The following AFF3 variants were observed in gnomAD, a reference collection of about 807,000 sequenced individuals.
The protein encoded by AFF3 is AF4/FMR2 family member 3.
AFF3 carries 32 observed loss-of-function variants against 129.7 expected under a neutral mutation model. The ratio of observed to expected loss-of-function variants is 0.25; its 90% CI spans 0.19 to 0.33. The LOEUF (loss-of-function observed/expected upper bound fraction) is 0.33. Among genes scored for constraint, AFF3 ranks in the 10% least tolerant of loss-of-function variants. The pLI, the probability that AFF3 is intolerant of heterozygous loss-of-function variation, is 1.00. For missense variants in AFF3, 1,373 were observed against 1,592.0 expected, an observed-to-expected ratio of 0.86 and a Z score of 2.34; for synonymous variants, 644 against 635.4, an observed-to-expected ratio of 1.01 and a Z score of -0.20.
At chr2:99,931,420 A>C (rs1177026521) in intron 7 of AFF3, among the ~76,000 whole-genome samples, 2 of 152,236 alleles carry the variant, frequency 1.3e-5, no homozygotes, top group Non-Finnish European at 2.9e-5. Context: ...AGGGAGAAAA[A>C]AGGTATTATT....
At chr2:99,771,971 T>C (rs906458536) in intron 8 of AFF3, among the ~76,000 whole-genome samples, 1 of 152,202 alleles carries the variant, frequency 6.6e-6, no homozygotes, top group Non-Finnish European at 1.5e-5. Flanking sequence ...AAATATGTCA[T>C]TTAATGAAGA....
At chr2:99,887,802 T>C (rs1031567290) in intron 7 of AFF3, among the ~76,000 whole-genome samples, 2 of 152,356 alleles carry the variant, frequency 1.3e-5, no homozygotes, top group East Asian at 3.9e-4. Flanking sequence ...ATGGCATCCC[T>C]ATGGGACAGG....
chr2:99,922,862 G>A (rs1199483864), intron 7 of AFF3, among the ~76,000 whole-genome samples: 1 of 152,076 alleles, frequency 6.6e-6, no homozygotes, highest in Non-Finnish European at 1.5e-5. Context: ...CCACTCCTCT[G>A]CCAACAGTAG....
At chr2:99,806,523 T>G (rs1159476645) in intron 8 of AFF3, among the ~76,000 whole-genome samples, 2 of 152,184 alleles carry the variant, frequency 1.3e-5, no homozygotes, top group African/African-American at 2.4e-5. Context: ...TCGCTCCCTA[T>G]GGCTCCCTAT....
At chr2:99,672,180 A>T (rs773606485) in intron 12 of AFF3, among the ~76,000 whole-genome samples, 149 of 10,084 alleles carry the variant, frequency 0.015, no homozygotes, top group African/African-American at 0.012. Context: ...TTAGCTTCTC[A>T]CACACACACA....
Position 100,087,018 on chromosome 2 carries a change from T to C in AFF3, c.53+17384A>G, listed in dbSNP as rs553331730. On this transcript the variant is annotated intron_variant, in intron 4 of 24. Coordinates refer to ENST00000672756, the MANE Select transcript of AFF3 (RefSeq NM_001386135.1). ...ACCCTAGGGCCTTACACTTCATCAG[T>C]GACCCCCTGAATGAGGGATTCTATA... 1.7e-4 allele frequency among the ~76,000 whole-genome samples: 26 copies of C among 152,316 alleles called. No individual in the cohort carries two copies. The South Asian group carries it at 5.2e-3, about 30-fold the overall frequency.
intron 4 of AFF3, among the ~76,000 whole-genome samples, chr2:100,095,547 C>T (rs924143099): frequency 6.6e-6 from 1 of 152,202 alleles, no homozygotes; most frequent in Non-Finnish European, 1.5e-5. Context: ...ATTTGCCCTA[C>T]TATTCGTGAA....
intron 7 of AFF3, among the ~76,000 whole-genome samples, chr2:99,933,261 C>A (rs1576376015): frequency 2.0e-5 from 3 of 152,096 alleles, no homozygotes; most frequent in African/African-American, 7.2e-5. Context: ...GGAAAAGTTC[C>A]TTTGAGAACT....
At position 100,026,442 on chromosome 2, in the gene AFF3, T is replaced by C. The variant is rs1573169879; in HGVS notation, c.54-17510A>G. On this transcript the variant is annotated intron_variant, in intron 4 of 24. Transcript: ENST00000672756. Reference sequence around the variant, plus strand: ...TGGTGATCAGGGAACACTTCCACACTGCTGGTAGGAATGTAAACTGGTACA... The same window carrying C: ...TGGTGATCAGGGAACACTTCCACACCGCTGGTAGGAATGTAAACTGGTACA... 2.6e-5 allele frequency among the ~76,000 whole-genome samples: 4 copies of C among 152,258 alleles called. No individual in the cohort carries two copies. In the East Asian group the frequency reaches 7.7e-4, roughly 29 times the overall value.
intron 8 of AFF3, among the ~76,000 whole-genome samples, chr2:99,799,758 G>A (rs1300314612): frequency 6.6e-6 from 1 of 152,050 alleles, no homozygotes; most frequent in Non-Finnish European, 1.5e-5. Flanking sequence ...CCAGTGTAAG[G>A]ACTGACAAGA....
chr2:99,719,773 G>A (rs1678719034), intron 11 of AFF3, among the ~76,000 whole-genome samples: 2 of 152,098 alleles, frequency 1.3e-5, no homozygotes, highest in Non-Finnish European at 2.9e-5. Flanking sequence ...CGTATTGGCC[G>A]GGCACGGTGG....
chr2:99,636,835 T>C (rs1168931882), intron 13 of AFF3, among the ~76,000 whole-genome samples: 1 of 152,032 alleles, frequency 6.6e-6, no homozygotes. Context: ...CGGGGGAGCT[T>C]ATCAGGCTCC....
Position 99,601,451 on chromosome 2 carries a change from T to C in AFF3, c.1355A>G (p.His452Arg), listed in dbSNP as rs993511035. ...AGCGCTTACCTCGGGGCTGGAGAAG[T>C]GGGGGGGCTTGCTGCCCTCACTCTC... ...SSESEGSKPP[H>R]FSSPEAEPAS... The change falls in exon 14 of 25, where the codon CAC becomes CGC. Residue 452 changes from histidine (H) to arginine (R), a missense_variant. Physicochemically the swap from His to Arg is conservative, Grantham distance 29 (BLOSUM62 0). Transcript: ENST00000672756. 6.2e-7 allele frequency: 1 copy of C among 1,606,080 alleles called. No homozygotes were observed. Among genetic ancestry groups the C allele is most frequent in the African/African-American group, 1.3e-5 (1 of 74,680 alleles).
At chr2:99,637,038 G>A (rs780036255) in intron 13 of AFF3, among the ~76,000 whole-genome samples, 46 of 152,156 alleles carry the variant, frequency 3.0e-4, no homozygotes, top group Non-Finnish European at 5.4e-4. Flanking sequence ...AATGGTCAGG[G>A]TGGGACTGTT....
At chr2:100,010,440 T>A (rs954621141) in intron 4 of AFF3, among the ~76,000 whole-genome samples, 4 of 152,232 alleles carry the variant, frequency 2.6e-5, no homozygotes, top group African/African-American at 9.6e-5. Flanking sequence ...AACATGCTTC[T>A]GGCAAGGCTG....
At chr2:100,043,982 C>T (rs1685631995) in intron 4 of AFF3, among the ~76,000 whole-genome samples, 1 of 152,176 alleles carries the variant, frequency 6.6e-6, no homozygotes, top group Admixed American at 6.5e-5. Flanking sequence ...CCCCTGAGAG[C>T]ATGTGTGTTC....
chr2:99,599,064 G>A (rs2105048473), intron 14 of AFF3, among the ~76,000 whole-genome samples: 1 of 152,292 alleles, frequency 6.6e-6, no homozygotes, highest in African/African-American at 2.4e-5. Context: ...CATAGCATCA[G>A]GTGACTTAAA....
Position 99,554,706 on chromosome 2 carries a change from T to A in AFF3, c.3312A>T (p.Pro1104=). The change falls in exon 23 of 25, where the codon CCA becomes CCT. Residue 1104 remains proline (P), a synonymous_variant. Transcript: ENST00000672756. The part of the protein sequence containing the change: ...FKNSSKAAQA[P]SPWGASGKST... ...ACTTTCCACTGGCCCCCCACGGAGA[T>A]GGGGCTTGGGCGGCTTTAGATGAGT... is the stretch of plus-strand genomic sequence containing the variant. 1 of 1,614,144 alleles carries A rather than the reference T, an allele frequency of 6.2e-7. No homozygotes were observed. Among genetic ancestry groups the A allele is most frequent in the Non-Finnish European group, 8.5e-7 (1 of 1,180,010 alleles).
At chr2:99,872,036 C>T (rs1465765863) in intron 7 of AFF3, among the ~76,000 whole-genome samples, 2 of 151,726 alleles carry the variant, frequency 1.3e-5, no homozygotes, top group Non-Finnish European at 2.9e-5. Context: ...AAAACCCCAT[C>T]TCTACTAAAA....
Sources: gnomAD v4.1 joint callset for allele counts (sites outside exome capture counted in the v4.1 genomes callset) on GRCh38, gnomAD v4.1.1 for gene constraint, MANE v1.5 for transcripts, NCBI Gene and HGNC (gene_info 2026-07-23, HGNC 2026-07-21) for gene names.